The following FAM135B variants were observed in gnomAD, a reference collection of about 807,000 sequenced individuals.
FAM135B encodes the protein family with sequence similarity 135 member B.
A neutral mutation model predicts 127.7 loss-of-function variants in FAM135B; 43 were observed. That is an observed-to-expected ratio of 0.34 (90% confidence interval 0.26 to 0.43). FAM135B has a LOEUF of 0.43. FAM135B is among the 20% of genes least tolerant of loss of function. The pLI, the probability that FAM135B is intolerant of heterozygous loss-of-function variation, is 1.00. For synonymous variants in FAM135B, 670 were observed against 665.1 expected (o/e 1.01, Z -0.11); for missense variants, 1,558 against 1,725.6 (o/e 0.90, Z 1.72).
intron 6 of FAM135B, among the ~76,000 whole-genome samples, chr8:138,245,067 TTC>T (rs939297007): frequency 1.3e-5 from 2 of 152,178 alleles, no homozygotes; most frequent in African/African-American, 4.8e-5. Flanking sequence ...CTGATAGAAG[TTC>T]TTTCTGCAAA....
At chr8:138,316,944 C>T (rs982872608) in intron 2 of FAM135B, among the ~76,000 whole-genome samples, 2 of 150,936 alleles carry the variant, frequency 1.3e-5, no homozygotes, top group African/African-American at 4.9e-5. Context: ...CGCACCACTG[C>T]ACTCTAGCCT....
chr8:138,182,878 G>T (rs1815202669), intron 9 of FAM135B, among the ~76,000 whole-genome samples: 1 of 152,224 alleles, frequency 6.6e-6, no homozygotes, highest in African/African-American at 2.4e-5. Context: ...TGAGGGTGTG[G>T]CCTAAACATT....
intron 3 of FAM135B, among the ~76,000 whole-genome samples, chr8:138,297,118 G>A (rs758425938): frequency 2.6e-4 from 39 of 152,168 alleles, no homozygotes; most frequent in Admixed American, 2.0e-3. Flanking sequence ...ATCATGTCAC[G>A]TGATCAGACG....
intron 4 of FAM135B, 23 bp from the exon 5 acceptor site, chr8:138,256,782 G>C: frequency 1.3e-6 from 2 of 1,598,612 alleles, no homozygotes; most frequent in Non-Finnish European, 1.7e-6. Flanking sequence ...CAAAGTCCAA[G>C]GGATTTCAGG....
intron 9 of FAM135B, among the ~76,000 whole-genome samples, chr8:138,182,355 T>C (rs1477622232): frequency 6.6e-6 from 1 of 152,076 alleles, no homozygotes; most frequent in East Asian, 1.9e-4. Context: ...AGGAGGCCCT[T>C]TACACTAACA....
intron 11 of FAM135B, among the ~76,000 whole-genome samples, chr8:138,173,506 CT>C (rs1473205863): frequency 6.6e-6 from 1 of 152,048 alleles, no homozygotes; most frequent in African/African-American, 2.4e-5. Flanking sequence ...CTAGTTTCTT[CT>C]TCTTTAAAGT....
At chr8:138,415,394 A>T (rs1436018594) in intron 1 of FAM135B, among the ~76,000 whole-genome samples, 1 of 152,178 alleles carries the variant, frequency 6.6e-6, no homozygotes, top group East Asian at 1.9e-4. Flanking sequence ...ACCTCACAAC[A>T]CTCTCATAGC....
At chr8:138,226,184 T>TGTGTGCACGCGCGCGC in intron 7 of FAM135B, among the ~76,000 whole-genome samples, 3 of 139,202 alleles carry the variant, frequency 2.2e-5, no homozygotes, top group African/African-American at 8.1e-5. Flanking sequence ...TGTGTGTGTG[T>TGTGTGCACGCGCGCGC]GCGCGCATGT....
At chr8:138,185,987 C>T (rs949813410) in intron 9 of FAM135B, among the ~76,000 whole-genome samples, 4 of 152,138 alleles carry the variant, frequency 2.6e-5, no homozygotes, top group Admixed American at 2.0e-4. Flanking sequence ...ACCCAAGTAC[C>T]CACGCTGCTT....
intron 6 of FAM135B, among the ~76,000 whole-genome samples, chr8:138,246,005 T>C (rs1821253159): frequency 6.6e-6 from 1 of 152,188 alleles, no homozygotes; most frequent in Non-Finnish European, 1.5e-5. Flanking sequence ...ATTCTTGCTA[T>C]GCTTTAGCAA....
At chr8:138,428,842 T>C (rs1835043943) in intron 1 of FAM135B, among the ~76,000 whole-genome samples, 1 of 152,210 alleles carries the variant, frequency 6.6e-6, no homozygotes, top group South Asian at 2.1e-4. Flanking sequence ...TATTTATACC[T>C]CGAAATTTAA....
intron 9 of FAM135B, among the ~76,000 whole-genome samples, chr8:138,183,313 T>A (rs947672395): frequency 1.3e-5 from 2 of 152,182 alleles, no homozygotes; most frequent in African/African-American, 2.4e-5. Context: ...TGGAGCAACA[T>A]GCCCAAGATT....
chr8:138,134,161 T>A, intron 19 of FAM135B, among the ~76,000 whole-genome samples: 1 of 152,202 alleles, frequency 6.6e-6, no homozygotes, highest in Non-Finnish European at 1.5e-5. Context: ...ATCAGAGGAA[T>A]AGTTAAGTAA....
At chr8:138,401,562 A>T (rs1052697491) in intron 1 of FAM135B, among the ~76,000 whole-genome samples, 1 of 152,196 alleles carries the variant, frequency 6.6e-6, no homozygotes, top group Non-Finnish European at 1.5e-5. Context: ...TATGAGCCAA[A>T]TGCTGGTCCC....
intron 1 of FAM135B, among the ~76,000 whole-genome samples, chr8:138,372,778 TG>T (rs1318441819): frequency 6.6e-6 from 1 of 152,144 alleles, no homozygotes; most frequent in African/African-American, 2.4e-5. Flanking sequence ...CAGCCTTGTT[TG>T]GTTTTCACTC....
rs192252010 is a variant in FAM135B at position 138,313,412 on chromosome 8, G to A, written c.78-2492C>T. Among the ~76,000 whole-genome samples, 15 of 152,274 alleles carry A rather than the reference G, an allele frequency of 9.9e-5. No homozygotes were observed. In the East Asian group the frequency reaches 2.1e-3, roughly 22 times the overall value. On this transcript the variant is annotated intron_variant, in intron 2 of 19. Coordinates refer to ENST00000395297, the MANE Select transcript of FAM135B (RefSeq NM_015912.4). ...CTCCCAAAGTGCTGGGATTACAGGC[G>A]TGAGCCACCGTGCCTGGCCTAAAAC...
chr8:138,332,985 A>G (rs1276205484), intron 2 of FAM135B, among the ~76,000 whole-genome samples: 48 of 124,652 alleles, frequency 3.9e-4, no homozygotes, highest in South Asian at 2.0e-3. Flanking sequence ...TGGAAAGCGC[A>G]CACACACACA....
At chr8:138,458,308 G>A (rs1485600988) in intron 1 of FAM135B, among the ~76,000 whole-genome samples, 2 of 152,180 alleles carry the variant, frequency 1.3e-5, no homozygotes, top group African/African-American at 4.8e-5. Flanking sequence ...GATCTGTCAT[G>A]TCAGGAATTC....
intron 3 of FAM135B, among the ~76,000 whole-genome samples, chr8:138,289,550 A>G (rs977710202): frequency 6.6e-6 from 1 of 152,212 alleles, no homozygotes; most frequent in Non-Finnish European, 1.5e-5. Flanking sequence ...TAGCGCAAGG[A>G]GGAAACTTGC....
Sources: gnomAD v4.1 joint callset for allele counts (sites outside exome capture counted in the v4.1 genomes callset) on GRCh38, gnomAD v4.1.1 for gene constraint, MANE v1.5 for transcripts, NCBI Gene and HGNC (gene_info 2026-07-23, HGNC 2026-07-21) for gene names.